The following ANKS1B variants were observed in gnomAD, a reference collection of about 807,000 sequenced individuals.
ANKS1B encodes the protein ankyrin repeat and sterile alpha motif domain containing 1B, also known as ankyrin repeat and sterile alpha motif domain-containing protein 1B.
ANKS1B carries 36 observed loss-of-function variants against 148.3 expected under a neutral mutation model. The ratio of observed to expected loss-of-function variants is 0.24; its 90% CI spans 0.19 to 0.32. ANKS1B has a LOEUF of 0.32. ANKS1B is among the 10% of genes least tolerant of loss of function. ANKS1B has a pLI of 1.00. For synonymous variants in ANKS1B, 542 were observed against 560.8 expected (o/e 0.97, Z 0.47); for missense variants, 1,157 against 1,542.6 (o/e 0.75, Z 4.19).
At chr12:99,054,017 T>C (rs1397792187) in intron 16 of ANKS1B, among the ~76,000 whole-genome samples, 1 of 151,988 alleles carries the variant, frequency 6.6e-6, no homozygotes, top group Non-Finnish European at 1.5e-5. Context: ...TAAATTGGAG[T>C]GTGAAAGTAA....
intron 16 of ANKS1B, among the ~76,000 whole-genome samples, chr12:99,077,716 C>T (rs544410991): frequency 1.3e-5 from 2 of 152,284 alleles, no homozygotes; most frequent in African/African-American, 4.8e-5. Flanking sequence ...ACTCTGTTCT[C>T]TTGAAGATGC....
intron 17 of ANKS1B, among the ~76,000 whole-genome samples, chr12:99,028,947 C>T (rs1470191659): frequency 2.0e-5 from 3 of 152,052 alleles, no homozygotes; most frequent in African/African-American, 7.3e-5. Flanking sequence ...AGTATTTTAT[C>T]TTTAAAAGGG....
At chr12:99,353,464 T>C (rs2091657674) in intron 12 of ANKS1B, among the ~76,000 whole-genome samples, 1 of 152,172 alleles carries the variant, frequency 6.6e-6, no homozygotes, top group East Asian at 1.9e-4. Flanking sequence ...ACCCAGGTCA[T>C]ATCAAATTAA....
chr12:99,674,527 ATAGAG>A (rs1280377080), intron 8 of ANKS1B, among the ~76,000 whole-genome samples: 50 of 151,968 alleles, frequency 3.3e-4, no homozygotes, highest in African/African-American at 1.0e-3. Context: ...TGCAAGAATA[ATAGAG>A]TAAATAGTTC....
chr12:99,138,888 A>G (rs140550289), intron 15 of ANKS1B, among the ~76,000 whole-genome samples: 1,644 of 151,898 alleles, frequency 0.011, 121 homozygotes, highest in Admixed American at 0.098. Context: ...TCTCCATCAT[A>G]TTCAGCTTGC....
chr12:99,360,346 C>T (rs1174851684), intron 12 of ANKS1B, among the ~76,000 whole-genome samples: 2 of 152,118 alleles, frequency 1.3e-5, no homozygotes, highest in Non-Finnish European at 2.9e-5. Context: ...TCTGACTCTA[C>T]CTTGTACATA....
At chr12:99,046,807 T>TAAAAA (rs1265969829) in intron 17 of ANKS1B, among the ~76,000 whole-genome samples, 18 of 80,482 alleles carry the variant, frequency 2.2e-4, no homozygotes, top group East Asian at 1.5e-3. Context: ...GACTCTGTCT[T>TAAAAA]AAAAAAAAAG....
At chr12:98,983,603 C>T (rs2099920036) in intron 17 of ANKS1B, among the ~76,000 whole-genome samples, 1 of 152,176 alleles carries the variant, frequency 6.6e-6, no homozygotes, top group Non-Finnish European at 1.5e-5. Flanking sequence ...CAGACTGGCC[C>T]CATGATTCAC....
chr12:99,899,561 T>A (rs552327498), intron 1 of ANKS1B, among the ~76,000 whole-genome samples: 12 of 152,204 alleles, frequency 7.9e-5, no homozygotes, highest in Non-Finnish European at 1.6e-4. Context: ...GTATTCATTT[T>A]ATCAATATGA....
intron 17 of ANKS1B, among the ~76,000 whole-genome samples, chr12:99,002,458 T>C (rs1598305699): frequency 6.6e-6 from 1 of 151,588 alleles, no homozygotes; most frequent in African/African-American, 2.4e-5. Flanking sequence ...TCAAGCTAAT[T>C]AACATAGCCG....
At chr12:99,669,096 A>T (rs2098524136) in intron 8 of ANKS1B, among the ~76,000 whole-genome samples, 1 of 152,126 alleles carries the variant, frequency 6.6e-6, no homozygotes, top group Non-Finnish European at 1.5e-5. Flanking sequence ...AAATTCTATC[A>T]AATCTGTAAT....
rs964829690 is a variant in ANKS1B, at chr12:98,832,127, T to C, written c.2788A>G (p.Ile930Val). ...WEVELINVLK[I>V]NLIGHRKRIL... ...CGTTTCCTGTGGCCAATCAAATTGA[T>C]TTTTAAAACCTGAAACAACATATAT... is the stretch of plus-strand genomic sequence containing the variant. The change falls in exon 18 of 27, where the codon ATC becomes GTC. Residue 930 changes from isoleucine to valine, a missense_variant. Coordinates refer to ENST00000683438, the MANE Select transcript of ANKS1B (RefSeq NM_001352186.2). 33 of 1,572,934 alleles carry C rather than the reference T, an allele frequency of 2.1e-5. No homozygotes were observed. The highest frequency in any genetic ancestry group is 2.6e-5 in the Non-Finnish European group (30 of 1,157,240).
chr12:99,724,747 C>A (rs370051866), intron 8 of ANKS1B, among the ~76,000 whole-genome samples: 1 of 152,108 alleles, frequency 6.6e-6, no homozygotes, highest in African/African-American at 2.4e-5. Context: ...ATGTTAAGGG[C>A]AGCCAGAGAG....
rs532275022 is a variant in ANKS1B, at chr12:99,005,701, T to C, written c.2778+47456A>G. Among the ~76,000 whole-genome samples the C allele has an allele frequency of 1.2e-4, 18 of 152,342 alleles. 1 individual carries two copies. The South Asian group carries it at 3.7e-3, about 32-fold the overall frequency. ...TGAATAGTGAATGGACTTGTATTCC[T>C]GTTTAGGAATGTGTAGTTGCCCTTG... On this transcript the variant is annotated intron_variant, in intron 17 of 26. Coordinates refer to ENST00000683438, the MANE Select transcript of ANKS1B (RefSeq NM_001352186.2).
Position 99,873,662 on chromosome 12 carries a change from T to A in ANKS1B, c.135-48273A>T, listed in dbSNP as rs191450788. Among the ~76,000 whole-genome samples, 79 of 152,312 alleles carry A rather than the reference T, an allele frequency of 5.2e-4. 1 individual carries two copies. In the South Asian group the frequency reaches 0.01, roughly 20 times the overall value. ...TCAGTATATTCATTCAAATCTCTGT[T>A]ATTGTGATGGTTAATTTTATGTGTC... is the stretch of plus-strand genomic sequence containing the variant. On this transcript the variant is annotated intron_variant, in intron 1 of 26. Coordinates refer to ENST00000683438, the MANE Select transcript of ANKS1B (RefSeq NM_001352186.2).
chr12:99,776,429 A>G (rs550272710), intron 6 of ANKS1B, among the ~76,000 whole-genome samples: 1 of 152,338 alleles, frequency 6.6e-6, no homozygotes, highest in East Asian at 1.9e-4. Flanking sequence ...TAACTTGTCC[A>G]TGTTCATTCA....
chr12:99,036,306 A>ATTTTT (rs2099955527), intron 17 of ANKS1B, among the ~76,000 whole-genome samples: 4 of 152,172 alleles, frequency 2.6e-5, no homozygotes, highest in Admixed American at 1.3e-4. Flanking sequence ...TGGAAATAAA[A>ATTTTT]AAGAATGGGA....
chr12:98,948,072 C>T (rs2099848108), intron 17 of ANKS1B, among the ~76,000 whole-genome samples: 1 of 151,966 alleles, frequency 6.6e-6, no homozygotes, highest in African/African-American at 2.4e-5. Flanking sequence ...AAAAAAAAAC[C>T]CTTGGAAAGG....
intron 14 of ANKS1B, among the ~76,000 whole-genome samples, chr12:99,230,887 C>T (rs2086728488): frequency 6.6e-6 from 1 of 151,974 alleles, no homozygotes; most frequent in Admixed American, 6.6e-5. Flanking sequence ...AAAATAAATC[C>T]TCTCTTGATT....
Sources: allele counts gnomAD v4.1 joint callset (sites outside exome capture counted in the v4.1 genomes callset), GRCh38; gene constraint gnomAD v4.1.1; transcripts MANE v1.5; gene names NCBI Gene and HGNC (gene_info 2026-07-23, HGNC 2026-07-21).